R3HDM1: variants seen among roughly 807,000 people sequenced by gnomAD.
The protein encoded by R3HDM1 is R3H domain containing 1.
R3HDM1 carries 46 observed loss-of-function variants against 141.1 expected under a neutral mutation model. That is an observed-to-expected ratio of 0.33 (90% CI 0.26 to 0.42). R3HDM1 has a LOEUF of 0.42. Ranked by LOEUF, R3HDM1 falls within the 10% of genes least tolerant of loss-of-function variation. The pLI, the probability that R3HDM1 is intolerant of heterozygous loss-of-function variation, is 1.00. For missense variants in R3HDM1, 1,184 were observed against 1,368.3 expected (o/e 0.87, Z 2.12); for synonymous variants, 435 against 472.9 (o/e 0.92, Z 1.04).
chr2:135,549,574 A>AC (rs1699431439), intron 1 of R3HDM1, among the ~76,000 whole-genome samples: 1 of 151,226 alleles, frequency 6.6e-6, no homozygotes, highest in African/African-American at 2.4e-5. Context: ...AAAAAAAAAA[A>AC]AAAAAAACAA....
intron 1 of R3HDM1, among the ~76,000 whole-genome samples, chr2:135,552,705 A>G (rs1487562168): frequency 1.3e-5 from 2 of 152,190 alleles, no homozygotes; most frequent in East Asian, 3.8e-4. Context: ...TAAAAAGCCC[A>G]GGTCATCATT....
At chr2:135,657,744 A>C (rs2066110252) in intron 18 of R3HDM1, among the ~76,000 whole-genome samples, 1 of 152,208 alleles carries the variant, frequency 6.6e-6, no homozygotes, top group African/African-American at 2.4e-5. Flanking sequence ...ATACTTCTGT[A>C]ATACTGGATT....
intron 21 of R3HDM1, among the ~76,000 whole-genome samples, chr2:135,684,492 A>T (rs1249902329): frequency 6.6e-6 from 1 of 152,214 alleles, no homozygotes; most frequent in Admixed American, 6.5e-5. Flanking sequence ...TAACCTCTCT[A>T]TGCTTTTTAA....
intron 1 of R3HDM1, chr2:135,583,784 G>A (rs1707296893): frequency 1.0e-6 from 1 of 985,402 alleles, no homozygotes; most frequent in Non-Finnish European, 1.2e-6. Context: ...TTCCGCAAGA[G>A]CTAAGCCACC....
rs1665232 is a variant in R3HDM1, at chr2:135,683,570, A to C, written c.2459+3246A>C. ...ACCTATCTCAAAAAAAAAAAAAAAA[A>C]AATTCATTAAAGATCTCTTTGGGTG... On this transcript the variant is annotated intron_variant, in intron 21 of 26. Coordinates refer to ENST00000683871, the MANE Select transcript of R3HDM1 (RefSeq NM_001378107.1). Among the ~76,000 whole-genome samples, 51 of 141,810 alleles carry C rather than the reference A, an allele frequency of 3.6e-4. 1 individual carries two copies. Among genetic ancestry groups the C allele is most frequent in the South Asian group, 4.4e-4 (2 of 4,526 alleles). 93.0% of individuals were successfully genotyped at this position (141,810 alleles called of 152,430 possible). A position where few individuals can be genotyped will look rare whatever the true frequency, so the allele number is the denominator to read the frequency against.
chr2:135,621,562 A>C lies in R3HDM1; in HGVS notation c.372A>C (p.Glu124Asp). The change falls in exon 6 of 27, where the codon GAA becomes GAC. Residue 124 changes from glutamate (E) to aspartate (D), a missense_variant. By Grantham distance (45) the Glu-to-Asp change is conservative. Transcript: ENST00000683871. ...KEEKPSKDEA[E>D]KEKASDKLPR... is the part of the protein sequence containing the mutation. ...AGAAGCCCTCAAAAGATGAAGCAGA[A>C]AAAGAAAAGGCCAGTGATAAGTTGC... is the stretch of plus-strand genomic sequence containing the variant. 6.2e-7 allele frequency: 1 copy of C among 1,602,882 alleles called. No individual in the cohort carries two copies. The highest frequency in any genetic ancestry group is 2.2e-5 in the East Asian group (1 of 44,604).
intron 16 of R3HDM1, among the ~76,000 whole-genome samples, chr2:135,648,919 T>C (rs1349435628): frequency 1.3e-5 from 2 of 148,464 alleles, no homozygotes; most frequent in Admixed American, 1.3e-4. Context: ...ACTATCTTAA[T>C]AGAAATGTGT....
At chr2:135,648,433 T>G (rs2064726057) in intron 16 of R3HDM1, among the ~76,000 whole-genome samples, 1 of 152,202 alleles carries the variant, frequency 6.6e-6, no homozygotes, top group African/African-American at 2.4e-5. Context: ...CTGAACAATC[T>G]TAATTCCATT....
chr2:135,678,342 G>C (rs2069578757), intron 20 of R3HDM1, among the ~76,000 whole-genome samples: 1 of 152,064 alleles, frequency 6.6e-6, no homozygotes, highest in African/African-American at 2.4e-5. Flanking sequence ...GGAGCCACAG[G>C]GTTTGAATTC....
intron 2 of R3HDM1, 92 bp from the exon 3 acceptor site, chr2:135,604,714 A>G: frequency 2.0e-6 from 2 of 999,136 alleles, no homozygotes; most frequent in Non-Finnish European, 3.0e-6. Context: ...TATATTCAAC[A>G]TTATTTCTGG....
At chr2:135,581,237 A>G (rs1231728144) in intron 1 of R3HDM1, 1 of 985,316 alleles carries the variant, frequency 1.0e-6, no homozygotes, top group Non-Finnish European at 1.2e-6. Context: ...GTATGAAGAA[A>G]GTGGGGTATA....
intron 1 of R3HDM1, among the ~76,000 whole-genome samples, chr2:135,574,835 A>G (rs1441253851): frequency 6.6e-6 from 1 of 152,182 alleles, no homozygotes; most frequent in Admixed American, 6.5e-5. Flanking sequence ...TAAAATTTAT[A>G]TATCTTAGTC....
At chr2:135,650,840 T>C in intron 17 of R3HDM1, 1 of 985,098 alleles carries the variant, frequency 1.0e-6, no homozygotes, top group Non-Finnish European at 1.2e-6. Context: ...AACTTTGATA[T>C]GATGACTCAA....
At chr2:135,531,908 C>T (rs2104860723) in intron 1 of R3HDM1, among the ~76,000 whole-genome samples, 1 of 152,304 alleles carries the variant, frequency 6.6e-6, no homozygotes, top group Admixed American at 6.5e-5. Context: ...CAGCCACTGC[C>T]TTGTGCCCAC....
Position 135,622,671 on chromosome 2 carries a change from A to G in R3HDM1, c.436A>G (p.Thr146Ala). 6.2e-7 allele frequency: 1 copy of G among 1,601,296 alleles called. No homozygotes were observed. Among genetic ancestry groups the G allele is most frequent in the East Asian group, 2.2e-5 (1 of 44,608 alleles). ...TTTTTTAGATTCCAGTCAAGAATAC[A>G]CTGATTCAACTGGCATAGATCTACA... ...MLSRDSSQEY[T>A]DSTGIDLHEF... The change falls in exon 7 of 27, where the codon ACT becomes GCT. Residue 146 changes from threonine (T) to alanine (A), a missense_variant. This residue lies in a region of R3HDM1 where 192 missense variants were observed against 215.7 expected (regional missense o/e 0.89). Coordinates refer to ENST00000683871, the MANE Select transcript of R3HDM1 (RefSeq NM_001378107.1).
At chr2:135,658,971 C>T (rs1027462075) in intron 18 of R3HDM1, among the ~76,000 whole-genome samples, 7 of 151,848 alleles carry the variant, frequency 4.6e-5, no homozygotes, top group Non-Finnish European at 8.8e-5. Flanking sequence ...GTGGAGCTGT[C>T]GTCTCCTATG....
chr2:135,647,021 T>TA (rs1319826766), intron 16 of R3HDM1, among the ~76,000 whole-genome samples: 2 of 152,108 alleles, frequency 1.3e-5, no homozygotes, highest in African/African-American at 2.4e-5. Flanking sequence ...GTGAAAGTCA[T>TA]AAAAAATAAT....
At chr2:135,621,372 C>T in intron 5 of R3HDM1, 122 bp from the exon 6 acceptor site, 1 of 509,780 alleles carries the variant, frequency 2.0e-6, no homozygotes, top group Non-Finnish European at 3.3e-6. Flanking sequence ...TTTGAAGAAT[C>T]CAGTTGGGTA....
At chr2:135,590,978 T>A (rs1376942652) in intron 1 of R3HDM1, among the ~76,000 whole-genome samples, 1 of 152,164 alleles carries the variant, frequency 6.6e-6, no homozygotes, top group East Asian at 1.9e-4. Context: ...AAAATGTAGT[T>A]GGCAATTCAA....
Sources: gnomAD v4.1 joint callset for allele counts (sites outside exome capture counted in the v4.1 genomes callset) on GRCh38, gnomAD v4.1.1 for gene constraint, gnomAD v4.1.1 regional missense constraint, MANE v1.5 for transcripts, NCBI Gene and HGNC (gene_info 2026-07-23, HGNC 2026-07-21) for gene names.